The following GOLM1 variants were observed in gnomAD, a reference collection of about 807,000 sequenced individuals.
GOLM1 encodes golgi membrane protein 1.
Under a neutral mutation model 50.5 loss-of-function variants are expected in GOLM1, and 31 were observed. The observed-to-expected ratio is 0.61, with a 90% CI of 0.46 to 0.83. The LOEUF (loss-of-function observed/expected upper bound fraction) is 0.83, where lower values mean the gene tolerates loss of function less well. Ranked by LOEUF, GOLM1 falls within the 40% of genes least tolerant of loss-of-function variation. GOLM1 has a pLI of 0.00. For missense variants in GOLM1, 491 were observed against 501.3 expected (o/e 0.98, Z 0.20); for synonymous variants, 178 against 192.8 (o/e 0.92, Z 0.64).
chr9:86,031,472 T>TTTC (rs1554781519), intron 9 of GOLM1, among the ~76,000 whole-genome samples: 49 of 145,768 alleles, frequency 3.4e-4, no homozygotes, highest in African/African-American at 1.2e-3. Context: ...TTTTTTTTTT[T>TTTC]TTCCCCGAGA....
intron 8 of GOLM1, 71 bp from the exon 9 acceptor site, chr9:86,033,466 A>T (rs188956829): frequency 1.9e-5 from 18 of 931,880 alleles, no homozygotes; most frequent in Non-Finnish European, 1.7e-5. Flanking sequence ...TCAGAGCACA[A>T]GTGCTGGGGG....
rs12350451 is a variant in GOLM1 at position 86,046,571 on chromosome 9, G to A, written c.366C>T (p.Asp122=). 7.4e-4 allele frequency: 1,186 copies of A among 1,596,644 alleles called. 9 individuals carry two copies. The African/African-American group carries it at 0.014, about 19-fold the overall frequency. The change falls in exon 5 of 10, where the codon GAC becomes GAT. Residue 122 remains aspartate (D), a splice_region_variant and synonymous_variant. Transcript: ENST00000388712. ...TGERLIRVLQ[D]QLKTLQRNYG... is the part of the protein sequence containing the mutation. The stretch of plus-strand genomic sequence containing the variant: ...AATTCCTCTGCAGGGTCTTTAACTG[G>A]TCTACACCAAGGGGACAAGGAATTG...
At chr9:86,068,521 G>A (rs1563962395) in intron 3 of GOLM1, among the ~76,000 whole-genome samples, 2 of 152,036 alleles carry the variant, frequency 1.3e-5, no homozygotes, top group African/African-American at 2.4e-5. Flanking sequence ...TCTTGGTCCT[G>A]GCCCCTGCCC....
intron 6 of GOLM1, among the ~76,000 whole-genome samples, chr9:86,039,432 G>C (rs1048270994): frequency 1.7e-4 from 26 of 152,306 alleles, no homozygotes; most frequent in African/African-American, 5.3e-4. Flanking sequence ...ATATAACCCA[G>C]CAGTTCCACT....
At chr9:86,051,787 C>A (rs955024344) in intron 4 of GOLM1, among the ~76,000 whole-genome samples, 3 of 152,078 alleles carry the variant, frequency 2.0e-5, no homozygotes, top group African/African-American at 4.8e-5. Context: ...TTGTGGGAAA[C>A]GTAGGGTTAC....
At chr9:86,085,458 T>TG (rs1026053840) in intron 1 of GOLM1, among the ~76,000 whole-genome samples, 17 of 150,956 alleles carry the variant, frequency 1.1e-4, no homozygotes, top group Admixed American at 7.9e-4. Flanking sequence ...TTTTTGTTTT[T>TG]TTTTTTTTTT....
In GOLM1 at chr9:86,027,318, T is replaced by C; in HGVS notation, c.*499A>G. 1 of 986,044 alleles carries C rather than the reference T, an allele frequency of 1.0e-6. No individual in the cohort carries two copies. Among genetic ancestry groups the C allele is most frequent in the Non-Finnish European group, 1.2e-6 (1 of 830,396 alleles). 61.1% of individuals were successfully genotyped at this position (986,044 alleles called of 1,614,324 possible). A position where few individuals can be genotyped will look rare whatever the true frequency, so the allele number is the denominator to read the frequency against. On this transcript the variant is annotated 3_prime_UTR_variant, in exon 10 of 10. Transcript: ENST00000388712. The stretch of plus-strand genomic sequence containing the variant: ...TGCTCTAGGCCATTGATTGATTGAT[T>C]GTCAGAATCAGAAGTGACTACACAA...
chr9:86,055,911 C>T (rs566369893), intron 3 of GOLM1, among the ~76,000 whole-genome samples: 4 of 152,248 alleles, frequency 2.6e-5, no homozygotes, highest in Middle Eastern at 3.4e-3. Context: ...ACTGAAATTT[C>T]CACCTTGCAT....
intron 6 of GOLM1, 39 bp downstream of exon 6, chr9:86,040,700 G>T (rs766574622): frequency 4.4e-6 from 7 of 1,590,532 alleles, no homozygotes; most frequent in East Asian, 4.5e-5. Context: ...GAAGATAGGG[G>T]TACCTTCTAG....
At chr9:86,044,876 A>G (rs888186131) in intron 5 of GOLM1, among the ~76,000 whole-genome samples, 21 of 151,128 alleles carry the variant, frequency 1.4e-4, no homozygotes, top group African/African-American at 5.1e-4. Context: ...CACTTGAACC[A>G]GGGAGGCAGA....
intron 1 of GOLM1, among the ~76,000 whole-genome samples, chr9:86,095,831 G>A (rs966411317): frequency 2.6e-5 from 4 of 152,192 alleles, no homozygotes; most frequent in African/African-American, 9.7e-5. Context: ...GAATTTGGAT[G>A]CCATGAAGTG....
chr9:86,040,951 C>G, intron 5 of GOLM1, 83 bp from the exon 6 acceptor site: 2 of 1,345,032 alleles, frequency 1.5e-6, no homozygotes, highest in Non-Finnish European at 2.1e-6. Flanking sequence ...CCATAAGAGA[C>G]ACAGACCCTC....
chr9:86,038,300 G>T (rs890021357), intron 6 of GOLM1, among the ~76,000 whole-genome samples: 4 of 152,150 alleles, frequency 2.6e-5, no homozygotes, highest in Non-Finnish European at 5.9e-5. Context: ...AGAAAAATCG[G>T]CTTGTGCTTC....
intron 3 of GOLM1, among the ~76,000 whole-genome samples, chr9:86,072,692 A>C (rs569997005): frequency 4.1e-4 from 62 of 152,388 alleles, no homozygotes; most frequent in African/African-American, 1.4e-3. Flanking sequence ...GATGAATTAC[A>C]GTCATGCATT....
chr9:86,052,145 AG>A (rs1415791532), intron 4 of GOLM1, among the ~76,000 whole-genome samples: 1 of 152,168 alleles, frequency 6.6e-6, no homozygotes, highest in Non-Finnish European at 1.5e-5. Flanking sequence ...AGCGGCAAAG[AG>A]GGGGAATTAA....
At chr9:86,031,472 T>TTTTC (rs1554781518) in intron 9 of GOLM1, among the ~76,000 whole-genome samples, 13 of 145,776 alleles carry the variant, frequency 8.9e-5, no homozygotes, top group African/African-American at 2.6e-4. Context: ...TTTTTTTTTT[T>TTTTC]TTCCCCGAGA....
At chr9:86,032,305 C>A (rs990609492) in intron 9 of GOLM1, among the ~76,000 whole-genome samples, 2 of 151,940 alleles carry the variant, frequency 1.3e-5, no homozygotes, top group Non-Finnish European at 2.9e-5. Context: ...GTAGCTGGGA[C>A]TACAGGCGCC....
intron 1 of GOLM1, among the ~76,000 whole-genome samples, chr9:86,082,115 G>A (rs1373971895): frequency 6.9e-5 from 9 of 130,490 alleles, no homozygotes; most frequent in Non-Finnish European, 1.1e-4. Context: ...TGCAAGCTCC[G>A]CCTCCCAGGT....
At chr9:86,072,414 T>A (rs1834475100) in intron 3 of GOLM1, among the ~76,000 whole-genome samples, 1 of 152,160 alleles carries the variant, frequency 6.6e-6, no homozygotes, top group African/African-American at 2.4e-5. Flanking sequence ...TGCAATGTCT[T>A]ACACTTGCCC....
Sources: allele counts gnomAD v4.1 joint callset (sites outside exome capture counted in the v4.1 genomes callset), GRCh38; gene constraint gnomAD v4.1.1; transcripts MANE v1.5; gene names NCBI Gene and HGNC (gene_info 2026-07-23, HGNC 2026-07-21).